CATSPERD: variants seen among roughly 807,000 people sequenced by gnomAD.
CATSPERD encodes the protein catsper channel auxiliary subunit delta.
In CATSPERD, 86 loss-of-function variants were observed where a neutral mutation model predicts 98.1. The ratio of observed to expected loss-of-function variants is 0.88; its 90% CI spans 0.74 to 1.05. The LOEUF (loss-of-function observed/expected upper bound fraction) is 1.05, where lower values mean the gene tolerates loss of function less well. CATSPERD is among the 50% of genes least tolerant of loss of function. The pLI is 0.00. For missense variants in CATSPERD, 995 were observed against 1,005.7 expected, an observed-to-expected ratio of 0.99 and a Z score of 0.14; for synonymous variants, 394 against 390.2, an observed-to-expected ratio of 1.01 and a Z score of -0.12.
chr19:5,739,817 T>G (rs2055920860), intron 7 of CATSPERD, among the ~76,000 whole-genome samples: 2 of 125,402 alleles, frequency 1.6e-5, no homozygotes. Flanking sequence ...CCAGCTTGAG[T>G]GACAGAGCGA....
intron 11 of CATSPERD, among the ~76,000 whole-genome samples, chr19:5,751,435 G>A (rs1485546124): frequency 6.8e-6 from 1 of 147,662 alleles, no homozygotes; most frequent in African/African-American, 2.5e-5. Flanking sequence ...TCGGGAGGCT[G>A]AGGCAGGAGA....
chr19:5,723,458 ATTTTTTTTTTT>A (rs773822808), intron 1 of CATSPERD, among the ~76,000 whole-genome samples: 1 of 90,908 alleles, frequency 1.1e-5, no homozygotes, highest in African/African-American at 4.3e-5. Flanking sequence ...TGCCCAGCTA[ATTTTTTTTTTT>A]TTTTTTTTTT....
chr19:5,772,645 T>TG, intron 19 of CATSPERD, 143 bp from the exon 20 acceptor site: 1 of 776,702 alleles, frequency 1.3e-6, no homozygotes, highest in African/African-American at 1.7e-5. Context: ...CATCCTCAGC[T>TG]GGGAGCGGCA....
At chr19:5,752,566 TG>T (rs2145787979) in intron 12 of CATSPERD, among the ~76,000 whole-genome samples, 2 of 152,280 alleles carry the variant, frequency 1.3e-5, no homozygotes, top group African/African-American at 4.8e-5. Flanking sequence ...CATCACCCAT[TG>T]ACCACTGCCA....
At chr19:5,768,536 CTG>C (rs2056586666) in intron 18 of CATSPERD, among the ~76,000 whole-genome samples, 1 of 151,924 alleles carries the variant, frequency 6.6e-6, no homozygotes. Flanking sequence ...TGAGGTTTCA[CTG>C]TGTTAGCCAG....
chr19:5,777,860 G>A (rs2056762277), intron 21 of CATSPERD, among the ~76,000 whole-genome samples: 1 of 147,808 alleles, frequency 6.8e-6, no homozygotes, highest in Admixed American at 6.8e-5. Flanking sequence ...GGGTAATAGA[G>A]CCAGATTCCA....
intron 7 of CATSPERD, among the ~76,000 whole-genome samples, chr19:5,741,800 GGTGT>G (rs1491528236): frequency 2.0e-4 from 15 of 75,796 alleles, no homozygotes; most frequent in South Asian, 4.8e-4. Context: ...GGGGGGGGGT[GGTGT>G]GGATCACTTG....
intron 4 of CATSPERD, among the ~76,000 whole-genome samples, chr19:5,731,634 G>A (rs1358514032): frequency 8.2e-6 from 1 of 122,502 alleles, no homozygotes; most frequent in Non-Finnish European, 1.6e-5. Flanking sequence ...GGACTGCAGT[G>A]GCGCAATCTC....
intron 7 of CATSPERD, among the ~76,000 whole-genome samples, chr19:5,743,793 G>C (rs2056043864): frequency 6.6e-6 from 1 of 151,672 alleles, no homozygotes; most frequent in African/African-American, 2.4e-5. Flanking sequence ...TCCCTAGGTG[G>C]GGCCCTTGAT....
intron 13 of CATSPERD, among the ~76,000 whole-genome samples, chr19:5,755,550 G>A (rs546763900): frequency 9.2e-5 from 14 of 151,902 alleles, no homozygotes; most frequent in African/African-American, 2.7e-4. Context: ...TGGGAAGATC[G>A]CTTGAACCCA....
intron 18 of CATSPERD, 90 bp downstream of exon 18, chr19:5,768,332 ATTT>A: frequency 1.3e-6 from 1 of 797,848 alleles, no homozygotes; most frequent in Non-Finnish European, 1.8e-6. Flanking sequence ...TTATTTATTT[ATTT>A]ATTTATTTAT....
intron 4 of CATSPERD, among the ~76,000 whole-genome samples, chr19:5,732,853 T>A (rs1474280275): frequency 6.6e-6 from 1 of 152,042 alleles, no homozygotes; most frequent in South Asian, 2.1e-4. Flanking sequence ...TTTTTTTGTA[T>A]TTTTAGTAGA....
intron 1 of CATSPERD, among the ~76,000 whole-genome samples, chr19:5,722,995 T>TGGC (rs1405662641): frequency 2.0e-5 from 3 of 151,784 alleles, no homozygotes; most frequent in Non-Finnish European, 2.9e-5. Context: ...GAGACCATCC[T>TGGC]GGCTAACACG....
chr19:5,742,155 A>T (rs113312324), intron 7 of CATSPERD, among the ~76,000 whole-genome samples: 1 of 100,808 alleles, frequency 9.9e-6, no homozygotes, highest in African/African-American at 3.2e-5. Context: ...TACGTGTGTG[A>T]ACGTGTGTGT....
At chr19:5,721,971 ACT>A (rs1029238911) in intron 1 of CATSPERD, among the ~76,000 whole-genome samples, 23 of 142,348 alleles carry the variant, frequency 1.6e-4, no homozygotes, top group African/African-American at 5.6e-4. Context: ...ACAAAGGGAG[ACT>A]CTGTCTCAAA....
At chr19:5,763,851 T>TTTTTTC (rs2056489586) in intron 16 of CATSPERD, among the ~76,000 whole-genome samples, 1 of 127,254 alleles carries the variant, frequency 7.9e-6, no homozygotes, top group African/African-American at 2.8e-5. Context: ...GAACTCCTTT[T>TTTTTTC]TTTTTTTTTT....
intron 12 of CATSPERD, among the ~76,000 whole-genome samples, chr19:5,753,135 A>G (rs982782348): frequency 6.6e-6 from 1 of 152,076 alleles, no homozygotes; most frequent in Non-Finnish European, 1.5e-5. Flanking sequence ...TCAGGATTAC[A>G]GGTGTGAGCC....
At chr19:5,766,778 C>T (rs1445460656) in intron 17 of CATSPERD, among the ~76,000 whole-genome samples, 2 of 151,402 alleles carry the variant, frequency 1.3e-5, no homozygotes, top group African/African-American at 4.8e-5. Flanking sequence ...CTGCAACCTC[C>T]GCCTCCCAGG....
chr19:5,724,966 A>G, intron 2 of CATSPERD, 104 bp downstream of exon 2: 1 of 1,001,874 alleles, frequency 1.0e-6, no homozygotes, highest in South Asian at 1.3e-5. Flanking sequence ...TCAAGCATTT[A>G]AGATCATTAC....
Sources: gnomAD v4.1 joint callset for allele counts (sites outside exome capture counted in the v4.1 genomes callset) on GRCh38, gnomAD v4.1.1 for gene constraint, MANE v1.5 for transcripts, NCBI Gene and HGNC (gene_info 2026-07-23, HGNC 2026-07-21) for gene names.